Variants in IL1RL1 observed in about 807,000 individuals in gnomAD.
The protein encoded by IL1RL1 is interleukin 1 receptor like 1, also known as interleukin-1 receptor-like 1.
In IL1RL1, 32 loss-of-function variants were observed where a neutral mutation model predicts 50.9. The ratio of observed to expected loss-of-function variants is 0.63; its 90% CI spans 0.47 to 0.84. The LOEUF is 0.84. Among genes scored for constraint, IL1RL1 ranks in the 40% least tolerant of loss-of-function variants. The pLI is 0.00. For synonymous variants in IL1RL1, 275 were observed against 236.0 expected (o/e 1.17, Z -1.51); for missense variants, 773 against 662.9 (o/e 1.17, Z -1.82).
chr2:102,319,532 G>A (rs925111706), intron 1 of IL1RL1, among the ~76,000 whole-genome samples: 1 of 152,090 alleles, frequency 6.6e-6, no homozygotes, highest in African/African-American at 2.4e-5. Context: ...GGATTTATGG[G>A]CTGTGTTTTT....
chr2:102,314,547 C>A (rs1676618118), intron 1 of IL1RL1, among the ~76,000 whole-genome samples: 1 of 152,116 alleles, frequency 6.6e-6, no homozygotes, highest in Non-Finnish European at 1.5e-5. Context: ...AACTGCAGAT[C>A]CTATCTAAGA....
Position 102,338,299 on chromosome 2 carries a change from T to C in IL1RL1, c.35T>C (p.Leu12Pro). 6.2e-7 allele frequency: 1 copy of C among 1,604,858 alleles called. No homozygotes were observed. The highest frequency in any genetic ancestry group is 8.5e-7 in the Non-Finnish European group (1 of 1,173,158). Residue 12 changes from leucine (L) to proline (P), a missense_variant, in exon 2 of 11, where the codon CTC (leucine) becomes CCC (proline). Transcript: ENST00000233954. ...GFWILAILTI[L>P]MYSTAAKFSK... ...TGGATCTTAGCAATTCTCACAATTC[T>C]CATGTATTCCACAGCAGCAAAGTTT...
downstream of IL1RL1, among the ~76,000 whole-genome samples, chr2:102,352,275 C>A (rs1677957559): frequency 6.7e-6 from 1 of 148,836 alleles, no homozygotes; most frequent in South Asian, 2.1e-4. Flanking sequence ...ACTAATCATT[C>A]GAGAGTAGAT....
At chr2:102,312,433 G>A (rs1676545453) in intron 1 of IL1RL1, among the ~76,000 whole-genome samples, 1 of 151,870 alleles carries the variant, frequency 6.6e-6, no homozygotes, top group African/African-American at 2.4e-5. Flanking sequence ...CAACGTGTTG[G>A]AAAAGACCTG....
chr2:102,328,886 T>C (rs1445835226), intron 1 of IL1RL1, among the ~76,000 whole-genome samples: 3 of 152,154 alleles, frequency 2.0e-5, no homozygotes, highest in African/African-American at 7.2e-5. Flanking sequence ...GTAGGAAGAC[T>C]CAATATCATG....
In IL1RL1 at chr2:102,351,885, C is replaced by A; in HGVS notation, c.1635C>A (p.Ala545=). The stretch of plus-strand genomic sequence containing the variant: ...TGCCAAGCAAAATTCCCAGAAAGGC[C>A]TCTAGTTTGACTCCCTTGGCTGCCC... ...MPVPSKIPRK[A]SSLTPLAAQK... Residue 545 remains alanine (A), a synonymous_variant, in exon 11 of 11, where the codon GCC becomes GCA. Coordinates refer to ENST00000233954, the MANE Select transcript of IL1RL1 (RefSeq NM_016232.5). The A allele has an allele frequency of 6.2e-7, 1 of 1,613,472 alleles. No individual in the cohort carries two copies. The highest frequency in any genetic ancestry group is 8.5e-7 in the Non-Finnish European group (1 of 1,179,736).
intron 5 of IL1RL1, among the ~76,000 whole-genome samples, chr2:102,341,729 A>G (rs1028673660): frequency 2.6e-5 from 4 of 152,152 alleles, no homozygotes; most frequent in Non-Finnish European, 1.5e-5. Context: ...CTCCATAAGC[A>G]CTGCCCGTCT....
chr2:102,348,499 C>A, intron 9 of IL1RL1, among the ~76,000 whole-genome samples: 1 of 152,154 alleles, frequency 6.6e-6, no homozygotes, highest in Non-Finnish European at 1.5e-5. Flanking sequence ...GTGTGTTCTA[C>A]CTGAAACCCT....
chr2:102,346,328 A>T (rs1677780969), intron 8 of IL1RL1, among the ~76,000 whole-genome samples: 1 of 152,234 alleles, frequency 6.6e-6, no homozygotes, highest in African/African-American at 2.4e-5. Context: ...ACTTCAAAGT[A>T]AAAGACAAAG....
intron 1 of IL1RL1, among the ~76,000 whole-genome samples, chr2:102,331,636 G>A (rs1334493995): frequency 1.3e-5 from 2 of 152,180 alleles, no homozygotes; most frequent in Non-Finnish European, 2.9e-5. Flanking sequence ...TAAGATAAAA[G>A]AAATAAGACA....
At chr2:102,326,347 A>C (rs912671812) in intron 1 of IL1RL1, among the ~76,000 whole-genome samples, 201 of 152,328 alleles carry the variant, frequency 1.3e-3, no homozygotes, top group Non-Finnish European at 2.3e-3. Context: ...GAGCTCCTGA[A>C]GGAAGCACTA....
chr2:102,347,389 G>A (rs1032876179), intron 8 of IL1RL1, among the ~76,000 whole-genome samples: 2 of 152,130 alleles, frequency 1.3e-5, no homozygotes, highest in Non-Finnish European at 2.9e-5. Context: ...TCAGAATAAG[G>A]CAATCTGCCT....
At chr2:102,333,624 C>T (rs997962823) in intron 1 of IL1RL1, among the ~76,000 whole-genome samples, 2 of 152,076 alleles carry the variant, frequency 1.3e-5, no homozygotes, top group Non-Finnish European at 2.9e-5. Context: ...ATTTTAGATT[C>T]TAAGGTACAT....
rs13429528 is a variant in IL1RL1 at position 102,332,408 on chromosome 2, C to T, written c.-149-5708C>T. Among the ~76,000 whole-genome samples, 835 of 152,168 alleles carry T rather than the reference C, an allele frequency of 5.5e-3. 16 individuals carry two copies. The highest frequency in any genetic ancestry group is 0.019 in the African/African-American group (801 of 41,502). ...TCAATAGCTAGAAGCAACCCAGATG[C>T]CCATTAAGGGATGAATGGATAAACA... On this transcript the variant is annotated intron_variant, in intron 1 of 10. Transcript: ENST00000233954.
chr2:102,349,086 G>A lies in IL1RL1; in HGVS notation c.1125G>A (p.Lys375=), dbSNP rs1179339659. The change falls in exon 10 of 11, where the codon AAG becomes AAA. Residue 375 remains lysine (K), a synonymous_variant. Transcript: ENST00000233954. ...AKPYKTRNDG[K]LYDAYVVYPR... is the part of the protein sequence containing the mutation. ...TCTTGTTTTCATTTTCAGATGGAAA[G>A]CTCTATGATGCTTATGTTGTCTACC... is the stretch of plus-strand genomic sequence containing the variant. 1.2e-6 allele frequency: 2 copies of A among 1,613,120 alleles called. No homozygotes were observed. Among genetic ancestry groups the A allele is most frequent in the Non-Finnish European group, 1.7e-6 (2 of 1,179,204 alleles).
At chr2:102,331,827 G>A (rs1359054369) in intron 1 of IL1RL1, among the ~76,000 whole-genome samples, 1 of 152,146 alleles carries the variant, frequency 6.6e-6, no homozygotes, top group Non-Finnish European at 1.5e-5. Context: ...CAGCACTTTG[G>A]GAGGTCAAGG....
In IL1RL1 at chr2:102,351,516, T is replaced by C; in HGVS notation, c.1286-20T>C. The C allele has an allele frequency of 1.3e-6, 2 of 1,598,170 alleles. No homozygotes were observed. Among genetic ancestry groups the C allele is most frequent in the South Asian group, 1.1e-5 (1 of 89,970 alleles). On this transcript the variant is annotated intron_variant, in intron 10 of 10. Transcript: ENST00000233954. The stretch of plus-strand genomic sequence containing the variant: ...AGCATTAGACTGATAAGAAATCTGA[T>C]CTATTTCTTGTATGACTAGATGTAG...
At chr2:102,333,926 T>TG (rs1286037725) in intron 1 of IL1RL1, among the ~76,000 whole-genome samples, 1 of 152,190 alleles carries the variant, frequency 6.6e-6, no homozygotes, top group African/African-American at 2.4e-5. Context: ...ATTCTTTTTA[T>TG]GGCTGAATAG....
At chr2:102,335,399 T>C (rs1383274707) in intron 1 of IL1RL1, among the ~76,000 whole-genome samples, 1 of 152,180 alleles carries the variant, frequency 6.6e-6, no homozygotes, top group Non-Finnish European at 1.5e-5. Flanking sequence ...GAGAAAAGCT[T>C]GACTTTGAAG....
Sources: gnomAD v4.1 joint callset for allele counts (sites outside exome capture counted in the v4.1 genomes callset) on GRCh38, gnomAD v4.1.1 for gene constraint, MANE v1.5 for transcripts, NCBI Gene and HGNC (gene_info 2026-07-23, HGNC 2026-07-21) for gene names.